KAZN: variants seen among roughly 807,000 people sequenced by gnomAD.
The protein encoded by KAZN is kazrin.
In KAZN, 40 loss-of-function variants were observed where a neutral mutation model predicts 87.4. The observed-to-expected ratio is 0.46, with a 90% confidence interval of 0.36 to 0.60. The LOEUF is 0.60. Ranked by LOEUF, KAZN falls within the 20% of genes least tolerant of loss-of-function variation. The pLI is 0.00. For synonymous variants in KAZN, 466 were observed against 458.3 expected, an observed-to-expected ratio of 1.02 and a Z score of -0.22; for missense variants, 898 against 1,073.9, an observed-to-expected ratio of 0.84 and a Z score of 2.29.
At chr1:14,045,841 CA>C (rs1231527302) in intron 1 of KAZN, among the ~76,000 whole-genome samples, 1 of 152,180 alleles carries the variant, frequency 6.6e-6, no homozygotes, top group African/African-American at 2.4e-5. Context: ...AAACATTCCA[CA>C]ATGGATAACC....
chr1:15,031,355 G>T (rs1194393179), intron 2 of KAZN, among the ~76,000 whole-genome samples: 18 of 152,206 alleles, frequency 1.2e-4, no homozygotes, highest in Admixed American at 1.2e-3. Context: ...CTGTGGAGAG[G>T]GGTTAGCCTC....
At position 15,081,561 on chromosome 1, in the gene KAZN, C is replaced by CGTGT. The variant is rs139092577; in HGVS notation, c.1223-12603_1223-12600dup. Among the ~76,000 whole-genome samples the CGTGT allele has an allele frequency of 0.012, 1,839 of 149,768 alleles. 27 individuals are homozygous for CGTGT. Among genetic ancestry groups the CGTGT allele is most frequent in the African/African-American group, 0.041 (1,690 of 40,924 alleles). Reference sequence around the variant, plus strand: ...GAAAGGTTCCAGGAATTAATGACAGCGTGTGTGTGTGTGTGTGTGAGTGTG... The same window carrying CGTGT: ...GAAAGGTTCCAGGAATTAATGACAGCGTGTGTGTGTGTGTGTGTGTGTGAGTGTG... On this transcript the variant is annotated intron_variant, in intron 8 of 14. Transcript: ENST00000376030. This position sits in a 1 kb window ranked among gnomAD's most constrained non-coding sequence, Gnocchi z 4.1.
chr1:14,603,498 G>C (rs1677132677), intron 1 of KAZN, among the ~76,000 whole-genome samples: 1 of 152,202 alleles, frequency 6.6e-6, no homozygotes, highest in Non-Finnish European at 1.5e-5. Flanking sequence ...ATTACTTATT[G>C]ATTGGGGATT....
intron 1 of KAZN, among the ~76,000 whole-genome samples, chr1:14,740,846 C>A (rs1249245448): frequency 6.6e-6 from 1 of 152,180 alleles, no homozygotes; most frequent in Non-Finnish European, 1.5e-5. Context: ...TTGGGGATTC[C>A]AATTACTAAC....
chr1:14,924,087 T>C (rs920184378), intron 1 of KAZN: 10 of 958,520 alleles, frequency 1.0e-5, no homozygotes, highest in South Asian at 9.4e-5. Context: ...GCCTCGGCAG[T>C]CGCCAGCCCG....
chr1:15,095,014 G>A (rs980439308), intron 10 of KAZN, 81 bp downstream of exon 10: 2 of 936,920 alleles, frequency 2.1e-6, no homozygotes, highest in Admixed American at 2.1e-5. Flanking sequence ...GGGTGAGCGG[G>A]GCACTGTGGG....
intron 1 of KAZN, among the ~76,000 whole-genome samples, chr1:14,749,121 G>A (rs1388876767): frequency 2.0e-5 from 3 of 152,116 alleles, no homozygotes; most frequent in South Asian, 2.1e-4. Flanking sequence ...AATAAACGTG[G>A]TCCACATGCT....
At chr1:14,937,816 T>C (rs1003801153) in intron 1 of KAZN, among the ~76,000 whole-genome samples, 2 of 152,178 alleles carry the variant, frequency 1.3e-5, no homozygotes, top group African/African-American at 4.8e-5. Context: ...AGCGTGGCCA[T>C]CTCCCTGAAA....
chr1:14,383,474 T>C (rs1346791786), intron 2 of KAZN, among the ~76,000 whole-genome samples: 1 of 151,932 alleles, frequency 6.6e-6, no homozygotes, highest in Non-Finnish European at 1.5e-5. Flanking sequence ...CTTTAATCCA[T>C]CTTGAATTGA....
chr1:14,750,956 G>C (rs12069127), intron 1 of KAZN, among the ~76,000 whole-genome samples: 4,186 of 152,290 alleles, frequency 0.027, 97 homozygotes, highest in South Asian at 0.066. Flanking sequence ...AAGTGAGCAA[G>C]GGCTGATCAC....
chr1:14,851,785 G>A (rs1416852921), intron 1 of KAZN, among the ~76,000 whole-genome samples: 1 of 152,174 alleles, frequency 6.6e-6, no homozygotes, highest in Non-Finnish European at 1.5e-5. Context: ...CATGCTTAAG[G>A]GATGTCAGCT....
chr1:14,413,311 C>T (rs1363436565), intron 2 of KAZN, among the ~76,000 whole-genome samples: 1 of 151,962 alleles, frequency 6.6e-6, no homozygotes, highest in African/African-American at 2.4e-5. Flanking sequence ...ATGCATTTGG[C>T]CAGGCACTGT....
intron 1 of KAZN, among the ~76,000 whole-genome samples, chr1:14,177,234 AAGTT>A (rs2100293315): frequency 6.6e-6 from 1 of 152,310 alleles, no homozygotes; most frequent in East Asian, 1.9e-4. Context: ...TACTCTATGT[AAGTT>A]ATCAACCCCA....
At chr1:14,802,134 G>T (rs535415025) in intron 1 of KAZN, among the ~76,000 whole-genome samples, 1 of 152,134 alleles carries the variant, frequency 6.6e-6, no homozygotes, top group South Asian at 2.1e-4. Context: ...GGCCGGGCAT[G>T]GTGGCTCACA....
chr1:14,892,433 C>T (rs534357718), intron 1 of KAZN, among the ~76,000 whole-genome samples: 133 of 151,218 alleles, frequency 8.8e-4, no homozygotes, highest in African/African-American at 3.1e-3. Context: ...CTCTTTCTCT[C>T]TGTATCCTAC....
intron 2 of KAZN, among the ~76,000 whole-genome samples, chr1:15,009,917 T>A (rs192746680): frequency 1.3e-5 from 2 of 151,980 alleles, no homozygotes; most frequent in East Asian, 3.9e-4. Flanking sequence ...AATATGTATC[T>A]ATAAAAGATA....
At chr1:14,869,696 T>C (rs552166091) in intron 1 of KAZN, among the ~76,000 whole-genome samples, 130 of 152,328 alleles carry the variant, frequency 8.5e-4, no homozygotes, top group African/African-American at 3.1e-3. Context: ...TGCTAATCAA[T>C]ATTCCAAAGC....
chr1:14,958,402 G>A (rs1041362393), intron 1 of KAZN, among the ~76,000 whole-genome samples: 1 of 107,358 alleles, frequency 9.3e-6, no homozygotes, highest in Non-Finnish European at 2.3e-5. Context: ...CACTTCCTGT[G>A]TACATGGAGC....
At chr1:14,700,256 G>A (rs1198653997) in intron 1 of KAZN, among the ~76,000 whole-genome samples, 3 of 152,104 alleles carry the variant, frequency 2.0e-5, no homozygotes, top group Admixed American at 2.0e-4. Flanking sequence ...AACTGATCAC[G>A]AGGTCAGGAG....
Sources: gnomAD v4.1 joint callset for allele counts (sites outside exome capture counted in the v4.1 genomes callset) on GRCh38, gnomAD v4.1.1 for gene constraint, Gnocchi (gnomAD v3.1) non-coding constraint, MANE v1.5 for transcripts, NCBI Gene and HGNC (gene_info 2026-07-23, HGNC 2026-07-21) for gene names.